Variants in MAT1A observed in about 807,000 individuals in gnomAD.
MAT1A encodes S-adenosylmethionine synthase isoform type-1.
A neutral mutation model predicts 44.0 loss-of-function variants in MAT1A; 19 were observed. The ratio of observed to expected loss-of-function variants is 0.43; its 90% CI spans 0.30 to 0.63. The LOEUF (loss-of-function observed/expected upper bound fraction) is 0.63. MAT1A is among the 30% of genes least tolerant of loss of function. The pLI, the probability that MAT1A is intolerant of heterozygous loss-of-function variation, is 0.12. For missense variants in MAT1A, 397 were observed against 531.0 expected, an observed-to-expected ratio of 0.75 and a Z score of 2.48; for synonymous variants, 205 against 205.6, an observed-to-expected ratio of 1.00 and a Z score of 0.03.
At chr10:80,286,621 G>A (rs1841654296) in intron 1 of MAT1A, among the ~76,000 whole-genome samples, 1 of 152,196 alleles carries the variant, frequency 6.6e-6, no homozygotes, top group Admixed American at 6.5e-5. Context: ...AGACTCTGCA[G>A]GGTCTAAAAT....
At chr10:80,279,201 A>C (rs1483844526) in intron 5 of MAT1A, among the ~76,000 whole-genome samples, 1 of 152,202 alleles carries the variant, frequency 6.6e-6, no homozygotes, top group South Asian at 2.1e-4. Flanking sequence ...CTTTGGAAGG[A>C]TAGGCCACTG....
intron 6 of MAT1A, 56 bp from the exon 7 acceptor site, chr10:80,275,255 G>C: frequency 1.4e-6 from 2 of 1,481,462 alleles, no homozygotes; most frequent in Non-Finnish European, 1.9e-6. Flanking sequence ...GATGCTGGAG[G>C]GGGCTGAAGT....
rs551175900 is a variant in MAT1A, at chr10:80,274,780, A to T, written c.952-127T>A. On this transcript the variant is annotated intron_variant, in intron 7 of 8. Coordinates refer to ENST00000372213, the MANE Select transcript of MAT1A (RefSeq NM_000429.3). Reference sequence around the variant, plus strand: ...CCTCTTGCCCCACATGCTCCCCTGCAATTTTCCTGCTATCTTCACCGAGGG... The same window carrying T: ...CCTCTTGCCCCACATGCTCCCCTGCTATTTTCCTGCTATCTTCACCGAGGG... 30 of 1,357,250 alleles carry T rather than the reference A, an allele frequency of 2.2e-5. 1 individual carries two copies. In the South Asian group the frequency reaches 3.6e-4, roughly 16 times the overall value. 84.1% of individuals were successfully genotyped at this position (1,357,250 alleles called of 1,614,324 possible).
chr10:80,287,711 G>A (rs535212429), intron 1 of MAT1A, among the ~76,000 whole-genome samples: 7 of 152,292 alleles, frequency 4.6e-5, no homozygotes, highest in Admixed American at 3.9e-4. Context: ...GAGCTGATCA[G>A]AATGTGTCAG....
At chr10:80,283,819 T>C in intron 3 of MAT1A, 97 bp downstream of exon 3, 1 of 1,567,882 alleles carries the variant, frequency 6.4e-7, no homozygotes, top group Non-Finnish European at 8.8e-7. Flanking sequence ...GTAGTATTGA[T>C]GCTCCCATCG....
At chr10:80,282,350 C>G (rs913351386) in intron 3 of MAT1A, among the ~76,000 whole-genome samples, 6 of 152,182 alleles carry the variant, frequency 3.9e-5, no homozygotes, top group African/African-American at 9.7e-5. Flanking sequence ...AAGGCTGTTC[C>G]TGTCCACTGA....
At chr10:80,277,835 G>A (rs535813925) in intron 5 of MAT1A, among the ~76,000 whole-genome samples, 17 of 152,306 alleles carry the variant, frequency 1.1e-4, no homozygotes, top group Admixed American at 1.1e-3. Flanking sequence ...AGCAAGATGT[G>A]GGGAAAAACA....
intron 4 of MAT1A, 124 bp from the exon 5 acceptor site, chr10:80,280,440 C>T: frequency 7.9e-7 from 1 of 1,261,466 alleles, no homozygotes; most frequent in Non-Finnish European, 1.1e-6. Context: ...GAGCTTTCCA[C>T]TGGCATGTGC....
chr10:80,285,460 C>A (rs1841636304), intron 2 of MAT1A, 52 bp downstream of exon 2: 2 of 1,464,948 alleles, frequency 1.4e-6, no homozygotes, highest in Non-Finnish European at 1.9e-6. Flanking sequence ...TGATTAATTT[C>A]TCAGTCTAGC....
At chr10:80,285,066 C>T (rs890096862) in intron 2 of MAT1A, among the ~76,000 whole-genome samples, 1 of 152,132 alleles carries the variant, frequency 6.6e-6, no homozygotes, top group African/African-American at 2.4e-5. Context: ...GGAAAGAAAA[C>T]AAGAGAAGAA....
At position 80,272,783 on chromosome 10, in the gene MAT1A, G is replaced by A. The variant is rs1208944194; in HGVS notation, c.*998C>T. On this transcript the variant is annotated 3_prime_UTR_variant, in exon 9 of 9. Coordinates refer to ENST00000372213, the MANE Select transcript of MAT1A (RefSeq NM_000429.3). ...GTGGTCAGGGGGCTGGGATTCTAAA[G>A]CTGCTGGTCAGTCCCTAACTCCAGC... The A allele has an allele frequency of 6.7e-6, 1 of 149,788 alleles. No individual in the cohort carries two copies. Among genetic ancestry groups the A allele is most frequent in the African/African-American group, 2.4e-5 (1 of 41,310 alleles). The allele number at this position is 149,788 out of a possible 1,614,324, so 9.3% of individuals were successfully genotyped here. A position where few individuals can be genotyped will look rare whatever the true frequency, so the allele number is the denominator to read the frequency against.
chr10:80,276,709 C>T (rs1386152874), intron 5 of MAT1A, 115 bp from the exon 6 acceptor site: 1 of 939,130 alleles, frequency 1.1e-6, no homozygotes, highest in African/African-American at 1.6e-5. Flanking sequence ...CCAAGTGGGG[C>T]CTCCTGTCTT....
chr10:80,273,512 G>A lies in MAT1A; in HGVS notation c.*269C>T. The A allele has an allele frequency of 2.1e-6, 1 of 465,606 alleles. No homozygotes were observed. The highest frequency in any genetic ancestry group is 4.0e-6 in the Non-Finnish European group (1 of 251,948). 28.8% of individuals were successfully genotyped at this position (465,606 alleles called of 1,614,324 possible). A position where few individuals can be genotyped will look rare whatever the true frequency, so the allele number is the denominator to read the frequency against. ...GAGGGAATTCACTCTTGACGGGGGT[G>A]CCTTTTCCACTAAATTAACATTGCC... is the stretch of plus-strand genomic sequence containing the variant. On this transcript the variant is annotated 3_prime_UTR_variant, in exon 9 of 9. Coordinates refer to ENST00000372213, the MANE Select transcript of MAT1A (RefSeq NM_000429.3).
chr10:80,280,238 C>T lies in MAT1A; in HGVS notation c.484G>A (p.Ala162Thr), dbSNP rs1452386763. 8 of 1,613,950 alleles carry T rather than the reference C, an allele frequency of 5.0e-6. No homozygotes were observed. Among genetic ancestry groups the T allele is most frequent in the Admixed American group, 1.7e-5 (1 of 60,004 alleles). Residue 162 changes from alanine (A) to threonine (T), a missense_variant, in exon 5 of 9, where the codon GCC becomes ACC. By Grantham distance (58) the Ala-to-Thr change is moderately conservative. Coordinates refer to ENST00000372213, the MANE Select transcript of MAT1A (RefSeq NM_000429.3). ...LTIILAHKLN[A>T]RMADLRRSGL... ...GAGCGCCTGAGGTCTGCCATCCGGGCGTTGAGCTTGTGAGCAAGGATGATG... is the reference window on the plus strand; with the variant it reads ...GAGCGCCTGAGGTCTGCCATCCGGGTGTTGAGCTTGTGAGCAAGGATGATG...
In MAT1A at chr10:80,274,803, G is replaced by A; in HGVS notation, c.952-150C>T. 9.4e-6 allele frequency: 12 copies of A among 1,273,260 alleles called. 1 individual carries two copies. In the South Asian group the frequency reaches 1.1e-4, roughly 12 times the overall value. 78.9% of individuals were successfully genotyped at this position (1,273,260 alleles called of 1,614,324 possible). On this transcript the variant is annotated intron_variant, in intron 7 of 8. Transcript: ENST00000372213. ...GCAATTTTCCTGCTATCTTCACCGA[G>A]GGCAGTTCTTCTACACGCCTCTCTC...
At chr10:80,274,403 A>G in intron 8 of MAT1A, 117 bp downstream of exon 8, 1 of 1,422,788 alleles carries the variant, frequency 7.0e-7, no homozygotes, top group Non-Finnish European at 9.9e-7. Flanking sequence ...GAGCTCACAG[A>G]CCCTCCCACT....
At chr10:80,284,231 C>T (rs1277193283) in intron 2 of MAT1A, among the ~76,000 whole-genome samples, 193 bp from the exon 3 acceptor site, 6 of 152,188 alleles carry the variant, frequency 3.9e-5, no homozygotes, top group Non-Finnish European at 7.3e-5. Context: ...TCTTCCAATG[C>T]TGTCTTGGAA....
chr10:80,273,860 A>G lies in MAT1A; in HGVS notation c.1109T>C (p.Ile370Thr). 1 of 1,613,102 alleles carries G rather than the reference A, an allele frequency of 6.2e-7. No homozygotes were observed. The highest frequency in any genetic ancestry group is 8.5e-7 in the Non-Finnish European group (1 of 1,179,132). Residue 370 changes from isoleucine (I) to threonine (T), a missense_variant, in exon 9 of 9, where the codon ATC becomes ACC. By Grantham distance (89) the Ile-to-Thr change is moderately conservative (BLOSUM62 -1). Coordinates refer to ENST00000372213, the MANE Select transcript of MAT1A (RefSeq NM_000429.3). ...GCCGTAGCATGCTGTCTTCTGGTAG[A>G]TGGGCTTCTTCAAGTCCAAATCCCT... is the stretch of plus-strand genomic sequence containing the variant. The part of the protein sequence containing the change: ...IVRDLDLKKP[I>T]YQKTACYGHF...
chr10:80,273,490 G>GGTGTA lies in MAT1A; in HGVS notation c.*290_*291insTACAC. 1 of 410,688 alleles carries GGTGTA rather than the reference G, an allele frequency of 2.4e-6. No individual in the cohort carries two copies. The highest frequency in any genetic ancestry group is 4.6e-6 in the Non-Finnish European group (1 of 217,508). The allele number at this position is 410,688 out of a possible 1,614,324, so 25.4% of individuals were successfully genotyped here. A position where few individuals can be genotyped will look rare whatever the true frequency, so the allele number is the denominator to read the frequency against. On this transcript the variant is annotated 3_prime_UTR_variant, in exon 9 of 9. Coordinates refer to ENST00000372213, the MANE Select transcript of MAT1A (RefSeq NM_000429.3). ...CCAGCTGTTGGGGGAGACGAGTGAG[G>GGTGTA]GAATTCACTCTTGACGGGGGTGCCT...
Sources: gnomAD v4.1 joint callset for allele counts (sites outside exome capture counted in the v4.1 genomes callset) on GRCh38, gnomAD v4.1.1 for gene constraint, MANE v1.5 for transcripts, NCBI Gene and HGNC (gene_info 2026-07-23, HGNC 2026-07-21) for gene names.